PRKN: variants seen among roughly 807,000 people sequenced by gnomAD.
PRKN encodes the protein parkin RBR E3 ubiquitin protein ligase.
PRKN carries 56 observed loss-of-function variants against 59.5 expected under a neutral mutation model. The observed-to-expected ratio is 0.94, with a 90% confidence interval of 0.76 to 1.18. PRKN has a LOEUF of 1.18. PRKN is among the 50% of genes most tolerant of loss of function. PRKN has a pLI of 0.00. For synonymous variants in PRKN, 250 were observed against 222.1 expected (o/e 1.13, Z -1.12); for missense variants, 657 against 596.4 (o/e 1.10, Z -1.06).
At chr6:161,838,971 T>C (rs982474436) in intron 6 of PRKN, among the ~76,000 whole-genome samples, 4 of 152,138 alleles carry the variant, frequency 2.6e-5, no homozygotes, top group Non-Finnish European at 4.4e-5. Flanking sequence ...GGAGCCAATG[T>C]GTCTCCGCAG....
At chr6:162,191,226 C>T (rs1310669315) in intron 4 of PRKN, among the ~76,000 whole-genome samples, 2 of 152,176 alleles carry the variant, frequency 1.3e-5, no homozygotes, top group East Asian at 1.9e-4. Context: ...CATAGGAATC[C>T]GATTTTTTTT....
intron 5 of PRKN, among the ~76,000 whole-genome samples, chr6:162,008,529 A>T (rs1381461393): frequency 6.6e-6 from 1 of 152,184 alleles, no homozygotes; most frequent in African/African-American, 2.4e-5. Context: ...ATTTACCACC[A>T]GATAGAAGCT....
At chr6:161,758,904 CGCAGTG>C (rs1789065799) in intron 7 of PRKN, among the ~76,000 whole-genome samples, 2 of 152,132 alleles carry the variant, frequency 1.3e-5, no homozygotes, top group South Asian at 4.1e-4. Flanking sequence ...TCAGGCCGGG[CGCAGTG>C]GCTCATGCCT....
At chr6:161,637,776 T>C (rs1783582592) in intron 7 of PRKN, among the ~76,000 whole-genome samples, 1 of 151,914 alleles carries the variant, frequency 6.6e-6, no homozygotes, top group Non-Finnish European at 1.5e-5. Flanking sequence ...GCCCCAATTC[T>C]GTTTAGGATA....
At chr6:162,186,245 A>G (rs1784023567) in intron 4 of PRKN, among the ~76,000 whole-genome samples, 1 of 152,306 alleles carries the variant, frequency 6.6e-6, no homozygotes, top group African/African-American at 2.4e-5. Context: ...TATAAACCAA[A>G]AGAGGTGCTG....
In PRKN at chr6:161,394,765, A is replaced by C. The variant is rs528630381; in HGVS notation, c.1084-7888T>G. Among the ~76,000 whole-genome samples, 8 of 152,210 alleles carry C rather than the reference A, an allele frequency of 5.3e-5. No individual in the cohort carries two copies. In the East Asian group the frequency reaches 1.4e-3, roughly 26 times the overall value. ...CACTGAGCTTACTTTCAACAGGCTG[A>C]CCTCAGCACCTCACATTAAAAGATC... On this transcript the variant is annotated intron_variant, in intron 9 of 11. Transcript: ENST00000366898.
rs1781560700 is a variant in PRKN at position 162,136,234 on chromosome 6, C to T, written c.534+64897G>A. The stretch of plus-strand genomic sequence containing the variant: ...TTCATATATACATGCATATCTCACA[C>T]AGGAACAGGAAAAGGAACATCCAGG... On this transcript the variant is annotated intron_variant, in intron 4 of 11. Coordinates refer to ENST00000366898, the MANE Select transcript of PRKN (RefSeq NM_004562.3). Among the ~76,000 whole-genome samples, 3 of 151,920 alleles carry T rather than the reference C, an allele frequency of 2.0e-5. No individual in the cohort carries two copies. The South Asian group carries it at 6.2e-4, about 32-fold the overall frequency.
chr6:161,700,711 T>TGAGAG (rs1306421814), intron 7 of PRKN, among the ~76,000 whole-genome samples: 1 of 152,222 alleles, frequency 6.6e-6, no homozygotes, highest in Non-Finnish European at 1.5e-5. Context: ...AACTTCTTAC[T>TGAGAG]GAGAGGACAT....
chr6:161,957,409 G>GTTGTTTTTTTTTTTTT (rs1562418017), intron 6 of PRKN, among the ~76,000 whole-genome samples: 2 of 127,392 alleles, frequency 1.6e-5, no homozygotes, highest in African/African-American at 3.1e-5. Context: ...TGTTCTTGTT[G>GTTGTTTTTTTTTTTTT]TTTTTTTTTT....
At chr6:161,389,026 A>C (rs1786388865) in intron 9 of PRKN, among the ~76,000 whole-genome samples, 1 of 152,266 alleles carries the variant, frequency 6.6e-6, no homozygotes, top group African/African-American at 2.4e-5. Flanking sequence ...ACAAGTTCTC[A>C]AACTAATATT....
Position 162,681,828 on chromosome 6 carries a change from C to T in PRKN, c.7+45834G>A, listed in dbSNP as rs369604222. The stretch of plus-strand genomic sequence containing the variant: ...ACCCAAGAATATTCTCTATTTGGGT[C>T]CAAATAGACCCAACTCCCACCCGCT... On this transcript the variant is annotated intron_variant, in intron 1 of 11. Coordinates refer to ENST00000366898, the MANE Select transcript of PRKN (RefSeq NM_004562.3). Among the ~76,000 whole-genome samples, 105 of 152,084 alleles carry T rather than the reference C, an allele frequency of 6.9e-4. No homozygotes were observed. In the East Asian group the frequency reaches 9.9e-3, roughly 14 times the overall value.
chr6:161,945,343 C>T (rs1183513365), intron 6 of PRKN, among the ~76,000 whole-genome samples: 2 of 152,098 alleles, frequency 1.3e-5, no homozygotes, highest in East Asian at 1.9e-4. Flanking sequence ...AGCAAAGATG[C>T]TTCCTAGATT....
At chr6:161,912,034 C>T (rs1332612007) in intron 6 of PRKN, among the ~76,000 whole-genome samples, 1 of 151,810 alleles carries the variant, frequency 6.6e-6, no homozygotes, top group Non-Finnish European at 1.5e-5. Context: ...AAAAATTACC[C>T]GGGTGTGATG....
chr6:162,244,165 G>A (rs1006177135), intron 3 of PRKN, among the ~76,000 whole-genome samples: 9 of 152,056 alleles, frequency 5.9e-5, no homozygotes, highest in Admixed American at 1.3e-4. Flanking sequence ...AAGTGGTTAC[G>A]AATATTAACA....
chr6:162,599,391 T>G (rs1466166783), intron 1 of PRKN, among the ~76,000 whole-genome samples: 1 of 152,116 alleles, frequency 6.6e-6, no homozygotes. Context: ...CAGGTTGAAT[T>G]TGCGTGTCTT....
At chr6:162,384,607 A>C (rs930672950) in intron 2 of PRKN, among the ~76,000 whole-genome samples, 3 of 150,832 alleles carry the variant, frequency 2.0e-5, no homozygotes, top group African/African-American at 7.3e-5. Flanking sequence ...TGCTGCTAAT[A>C]GACTTGCTTG....
intron 2 of PRKN, among the ~76,000 whole-genome samples, chr6:162,354,793 A>G (rs764530362): frequency 3.7e-4 from 56 of 152,066 alleles, no homozygotes; most frequent in African/African-American, 1.3e-3. Context: ...TCTATCAACC[A>G]TCAGCAAACC....
At chr6:161,465,255 A>G (rs747510456) in intron 9 of PRKN, among the ~76,000 whole-genome samples, 2 of 152,174 alleles carry the variant, frequency 1.3e-5, no homozygotes, top group South Asian at 2.1e-4. Context: ...TTCTTTTGGT[A>G]ATAATGATGA....
At chr6:161,779,233 C>T (rs1190569546) in intron 7 of PRKN, among the ~76,000 whole-genome samples, 2 of 151,990 alleles carry the variant, frequency 1.3e-5, no homozygotes, top group Non-Finnish European at 2.9e-5. Flanking sequence ...AGCCACTGCG[C>T]CTAGCCAACA....
Sources: gnomAD v4.1 joint callset for allele counts (sites outside exome capture counted in the v4.1 genomes callset) on GRCh38, gnomAD v4.1.1 for gene constraint, MANE v1.5 for transcripts, NCBI Gene and HGNC (gene_info 2026-07-23, HGNC 2026-07-21) for gene names.